The following PCDH9 variants were observed in gnomAD, a reference collection of about 807,000 sequenced individuals.
The protein encoded by PCDH9 is protocadherin-9.
Under a neutral mutation model 70.6 loss-of-function variants are expected in PCDH9, and 24 were observed. The observed-to-expected ratio is 0.34, with a 90% confidence interval of 0.25 to 0.48. PCDH9 has a LOEUF of 0.48. Among genes scored for constraint, PCDH9 ranks in the 20% least tolerant of loss-of-function variants. The pLI is 0.99. For synonymous variants in PCDH9, 562 were observed against 558.5 expected, an observed-to-expected ratio of 1.01 and a Z score of -0.09; for missense variants, 1,281 against 1,503.6, an observed-to-expected ratio of 0.85 and a Z score of 2.45.
chr13:66,513,662 GT>G (rs1310599207), intron 4 of PCDH9, among the ~76,000 whole-genome samples: 2 of 150,686 alleles, frequency 1.3e-5, no homozygotes, highest in Non-Finnish European at 1.5e-5. Flanking sequence ...TCATTCTTCA[GT>G]TTTTAATAAA....
At chr13:66,789,159 T>G (rs1056394388) in intron 3 of PCDH9, among the ~76,000 whole-genome samples, 2 of 152,282 alleles carry the variant, frequency 1.3e-5, no homozygotes, top group East Asian at 3.9e-4. Context: ...TTCTTTAATC[T>G]TCACAAAATC....
At chr13:66,662,490 T>C (rs1304102740) in intron 3 of PCDH9, among the ~76,000 whole-genome samples, 3 of 151,658 alleles carry the variant, frequency 2.0e-5, no homozygotes, top group African/African-American at 7.3e-5. Context: ...AAAAAGAATG[T>C]CACATAAATG....
chr13:66,746,356 T>C (rs1291002102), intron 3 of PCDH9, among the ~76,000 whole-genome samples: 3 of 152,188 alleles, frequency 2.0e-5, no homozygotes, highest in African/African-American at 7.2e-5. Context: ...TCATTTCAAA[T>C]TAAATATTTT....
At chr13:66,845,345 C>T (rs1351951763) in intron 3 of PCDH9, among the ~76,000 whole-genome samples, 1 of 152,176 alleles carries the variant, frequency 6.6e-6, no homozygotes, top group Non-Finnish European at 1.5e-5. Context: ...CTGCCGTGAG[C>T]GTGTGTTCAC....
At chr13:66,782,559 A>G (rs2080016532) in intron 3 of PCDH9, among the ~76,000 whole-genome samples, 2 of 152,302 alleles carry the variant, frequency 1.3e-5, no homozygotes, top group Non-Finnish European at 2.9e-5. Context: ...TGTCATTGAT[A>G]TTTTTGCAGC....
intron 3 of PCDH9, among the ~76,000 whole-genome samples, chr13:66,897,209 G>T (rs1474041233): frequency 6.6e-6 from 1 of 151,668 alleles, no homozygotes; most frequent in South Asian, 2.1e-4. Flanking sequence ...TTTATGGAAG[G>T]AAGAAAAGAA....
chr13:66,621,106 A>G (rs1252375764), intron 4 of PCDH9, among the ~76,000 whole-genome samples: 1 of 152,196 alleles, frequency 6.6e-6, no homozygotes, highest in African/African-American at 2.4e-5. Flanking sequence ...GACAAACTCT[A>G]GGGTGATTCC....
At chr13:66,522,551 T>C (rs1476793203) in intron 4 of PCDH9, among the ~76,000 whole-genome samples, 1 of 152,102 alleles carries the variant, frequency 6.6e-6, no homozygotes, top group Non-Finnish European at 1.5e-5. Context: ...CTTGGACTTG[T>C]GAGTTTGACT....
chr13:67,039,392 C>T lies in PCDH9; in HGVS notation c.3037-135787G>A, dbSNP rs74093562. The stretch of plus-strand genomic sequence containing the variant: ...CAGATCAAGTCCTGTTGTTACCATA[C>T]GGCATGATCCAGTCAGATCCTGGCT... On this transcript the variant is annotated intron_variant, in intron 2 of 4. Transcript: ENST00000377865. Among the ~76,000 whole-genome samples, 599 of 152,234 alleles carry T rather than the reference C, an allele frequency of 3.9e-3. 2 individuals carry two copies. Among genetic ancestry groups the T allele is most frequent in the African/African-American group, 0.013 (549 of 41,542 alleles).
intron 4 of PCDH9, among the ~76,000 whole-genome samples, chr13:66,338,712 G>A (rs1956077473): frequency 6.6e-6 from 1 of 151,944 alleles, no homozygotes; most frequent in South Asian, 2.1e-4. Flanking sequence ...CAGTGGAGAT[G>A]AGATCCTGAC....
chr13:66,498,017 G>A (rs1056436698), intron 4 of PCDH9, among the ~76,000 whole-genome samples: 2 of 150,810 alleles, frequency 1.3e-5, no homozygotes, highest in Non-Finnish European at 3.0e-5. Flanking sequence ...ATGGGGTTTC[G>A]CCATGTTGGC....
chr13:66,848,906 T>C (rs569944399), intron 3 of PCDH9, among the ~76,000 whole-genome samples: 32 of 121,688 alleles, frequency 2.6e-4, no homozygotes, highest in East Asian at 2.3e-3. Flanking sequence ...CCAGCCTGGG[T>C]GACACAGCGA....
chr13:66,424,758 T>C (rs912828646), intron 4 of PCDH9, among the ~76,000 whole-genome samples: 4 of 151,950 alleles, frequency 2.6e-5, no homozygotes, highest in Middle Eastern at 3.2e-3. Flanking sequence ...TGATCACATT[T>C]ATAAATTTAT....
intron 4 of PCDH9, among the ~76,000 whole-genome samples, chr13:66,483,918 A>G (rs1958890528): frequency 6.6e-6 from 1 of 152,072 alleles, no homozygotes; most frequent in Admixed American, 6.5e-5. Flanking sequence ...CAGAAGACAC[A>G]AGGTGTTGTA....
chr13:67,099,009 T>C (rs574414037), intron 2 of PCDH9, among the ~76,000 whole-genome samples: 1 of 152,308 alleles, frequency 6.6e-6, no homozygotes, highest in East Asian at 1.9e-4. Flanking sequence ...TGACCTCATG[T>C]TGAACCCTCT....
chr13:66,526,692 T>C (rs1960232432), intron 4 of PCDH9, among the ~76,000 whole-genome samples: 1 of 152,078 alleles, frequency 6.6e-6, no homozygotes, highest in Non-Finnish European at 1.5e-5. Context: ...GGTTTTGCCC[T>C]GCTAGAGTAA....
At chr13:66,513,692 G>C (rs1959596661) in intron 4 of PCDH9, among the ~76,000 whole-genome samples, 1 of 149,374 alleles carries the variant, frequency 6.7e-6, no homozygotes, top group Admixed American at 6.7e-5. Flanking sequence ...ATGGCTGTCA[G>C]AATACAAATG....
chr13:66,358,419 A>G (rs1236626413), intron 4 of PCDH9, among the ~76,000 whole-genome samples: 4 of 152,024 alleles, frequency 2.6e-5, no homozygotes, highest in Admixed American at 2.0e-4. Flanking sequence ...AAATCTCGCT[A>G]TATGAGGTAT....
chr13:66,613,559 T>A (rs1471611644), intron 4 of PCDH9, among the ~76,000 whole-genome samples: 1 of 152,172 alleles, frequency 6.6e-6, no homozygotes, highest in African/African-American at 2.4e-5. Context: ...GTGGCAAGCC[T>A]CCATCTTGCT....
Sources: gnomAD v4.1 joint callset for allele counts (sites outside exome capture counted in the v4.1 genomes callset) on GRCh38, gnomAD v4.1.1 for gene constraint, MANE v1.5 for transcripts, NCBI Gene and HGNC (gene_info 2026-07-23, HGNC 2026-07-21) for gene names.